GSAP: variants seen among roughly 807,000 people sequenced by gnomAD.
GSAP encodes the protein gamma-secretase activating protein.
Under a neutral mutation model 131.7 loss-of-function variants are expected in GSAP, and 118 were observed. That is an observed-to-expected ratio of 0.90 (90% CI 0.77 to 1.04). The LOEUF (loss-of-function observed/expected upper bound fraction) is 1.04, where lower values mean the gene tolerates loss of function less well. GSAP is among the 50% of genes least tolerant of loss of function. The pLI is 0.00. For synonymous variants in GSAP, 381 were observed against 363.4 expected, an observed-to-expected ratio of 1.05 and a Z score of -0.55; for missense variants, 1,019 against 1,013.2, an observed-to-expected ratio of 1.01 and a Z score of -0.08.
chr7:77,380,349 T>C (rs1797610947), intron 8 of GSAP, among the ~76,000 whole-genome samples: 1 of 152,146 alleles, frequency 6.6e-6, no homozygotes, highest in Non-Finnish European at 1.5e-5. Context: ...TCTGGAAAAA[T>C]CTGTTGGAAT....
intron 22 of GSAP, chr7:77,328,096 G>T: frequency 2.0e-6 from 1 of 497,872 alleles, no homozygotes; most frequent in Non-Finnish European, 2.6e-6. Context: ...AAGAGGCCAT[G>T]CTGGAATATA....
At chr7:77,371,437 T>C (rs12704922) in intron 12 of GSAP, among the ~76,000 whole-genome samples, 649 of 44,772 alleles carry the variant, frequency 0.014, 3 homozygotes, top group Middle Eastern at 0.056. Flanking sequence ...TTTTCTTTTT[T>C]TTTTTTTTTT....
chr7:77,330,434 A>T, intron 19 of GSAP, 67 bp from the exon 20 acceptor site: 1 of 1,567,972 alleles, frequency 6.4e-7, no homozygotes, highest in Non-Finnish European at 8.6e-7. Flanking sequence ...CCCAGTGAGT[A>T]TTACACAAGC....
At chr7:77,408,094 T>C (rs560004785) in intron 1 of GSAP, among the ~76,000 whole-genome samples, 1 of 152,338 alleles carries the variant, frequency 6.6e-6, no homozygotes, top group East Asian at 1.9e-4. Context: ...GAAGGACTTC[T>C]GAGGTTCCAT....
intron 14 of GSAP, among the ~76,000 whole-genome samples, chr7:77,356,551 T>G (rs996591413): frequency 4.6e-5 from 7 of 152,206 alleles, no homozygotes; most frequent in Non-Finnish European, 1.0e-4. Context: ...ATTGACACTT[T>G]GTGAAGTACT....
Position 77,330,372 on chromosome 7 carries a change from A to C in GSAP, c.1546-5T>G, listed in dbSNP as rs1788917101. 1 of 1,612,568 alleles carries C rather than the reference A, an allele frequency of 6.2e-7. No homozygotes were observed. ...GTAGCCCTTAAAGCTGAGCACCTGT[A>C]GGAGACAAAAACATCAGTGGCCTTC... On this transcript the variant is annotated splice_region_variant and splice_polypyrimidine_tract_variant and intron_variant, in intron 19 of 30. Coordinates refer to ENST00000257626, the MANE Select transcript of GSAP (RefSeq NM_017439.4).
In GSAP at chr7:77,387,065, T is replaced by C. The variant is rs555133154; in HGVS notation, c.456+295A>G. 3.3e-5 allele frequency among the ~76,000 whole-genome samples: 5 copies of C among 152,354 alleles called. No homozygotes were observed. The South Asian group carries it at 1.0e-3, about 32-fold the overall frequency. On this transcript the variant is annotated intron_variant, in intron 6 of 30. Coordinates refer to ENST00000257626, the MANE Select transcript of GSAP (RefSeq NM_017439.4). ...CCATAGATACTTAATCTGTCAACCA[T>C]GCAAATACATTATATTGACCATTTT...
At chr7:77,398,593 C>T (rs998156191) in intron 3 of GSAP, among the ~76,000 whole-genome samples, 1 of 152,106 alleles carries the variant, frequency 6.6e-6, no homozygotes. Flanking sequence ...ACGACAAAAT[C>T]CTATCTCTAC....
Position 77,353,737 on chromosome 7 carries a change from A to G in GSAP, c.1339-96T>C, listed in dbSNP as rs550652755. On this transcript the variant is annotated intron_variant, in intron 16 of 30. Coordinates refer to ENST00000257626, the MANE Select transcript of GSAP (RefSeq NM_017439.4). ...AATATACATGAATCTTTTGCATTCTATACCTATTTTAGAATTGCCTAAGAA... is the reference window on the plus strand; with the variant it reads ...AATATACATGAATCTTTTGCATTCTGTACCTATTTTAGAATTGCCTAAGAA... The G allele has an allele frequency of 9.8e-6, 7 of 717,746 alleles. No homozygotes were observed. In the African/African-American group the frequency reaches 1.2e-4, roughly 13 times the overall value. The allele number at this position is 717,746 out of a possible 1,614,324, so 44.5% of individuals were successfully genotyped here.
chr7:77,405,155 T>C (rs1016568805), intron 2 of GSAP, among the ~76,000 whole-genome samples: 3 of 152,220 alleles, frequency 2.0e-5, no homozygotes, highest in Non-Finnish European at 4.4e-5. Flanking sequence ...TTAAATAACA[T>C]GCTTCACATG....
Position 77,374,138 on chromosome 7 carries a change from C to T in GSAP, c.803G>A (p.Cys268Tyr), listed in dbSNP as rs750473487. The T allele has an allele frequency of 6.3e-6, 10 of 1,575,584 alleles. No homozygotes were observed. Among genetic ancestry groups the T allele is most frequent in the Non-Finnish European group, 8.7e-6 (10 of 1,150,554 alleles). ...NSGFKLVNFG[C>Y]DYHQYRDKFS... ...TTTATCTCGGTATTGATGATAATCA[C>T]ATCCAAAGTTGACAAGTCTAAGAAC... Residue 268 changes from cysteine (C) to tyrosine (Y), a missense_variant, in exon 12 of 31, where the codon TGT becomes TAT. Transcript: ENST00000257626.
chr7:77,318,918 G>A (rs1027880214), intron 26 of GSAP, among the ~76,000 whole-genome samples: 1 of 126,686 alleles, frequency 7.9e-6, no homozygotes, highest in African/African-American at 2.9e-5. Flanking sequence ...GCCTGTTGTG[G>A]GGTGGGGGGA....
chr7:77,350,925 T>A (rs184778467), intron 18 of GSAP: 20 of 156,250 alleles, frequency 1.3e-4, no homozygotes, highest in Admixed American at 1.2e-3. Flanking sequence ...AGTGTATCTG[T>A]ATGTTAATTA....
rs766000163 is a variant in GSAP, at chr7:77,355,547, A to G, written c.1120+8T>C. ...GCCACCTCTACAAGAGAAAAACTAT[A>G]GCCGTACCTGTCAGAAAGAGATTGT... On this transcript the variant is annotated splice_region_variant and intron_variant, in intron 15 of 30. Transcript: ENST00000257626. The G allele has an allele frequency of 6.3e-7, 1 of 1,596,256 alleles. No homozygotes were observed. Among genetic ancestry groups the G allele is most frequent in the East Asian group, 2.2e-5 (1 of 44,800 alleles).
intron 14 of GSAP, among the ~76,000 whole-genome samples, chr7:77,357,293 G>A (rs986631416): frequency 6.6e-6 from 1 of 152,162 alleles, no homozygotes; most frequent in African/African-American, 2.4e-5. Context: ...GCTGAATGAT[G>A]GCTCCTGAAG....
chr7:77,343,753 C>T (rs950369775), intron 19 of GSAP, among the ~76,000 whole-genome samples: 4 of 152,130 alleles, frequency 2.6e-5, no homozygotes, highest in African/African-American at 9.7e-5. Context: ...GTTCTTAGAC[C>T]AAGGAAAATT....
chr7:77,395,356 G>A (rs774572181), intron 5 of GSAP, among the ~76,000 whole-genome samples: 4 of 152,052 alleles, frequency 2.6e-5, no homozygotes, highest in Non-Finnish European at 4.4e-5. Context: ...TGGAGAAATG[G>A]GTCTATTAGC....
intron 20 of GSAP, 29 bp downstream of exon 20, chr7:77,330,210 T>A (rs1788894250): frequency 6.3e-7 from 1 of 1,594,452 alleles, no homozygotes; most frequent in Non-Finnish European, 8.6e-7. Flanking sequence ...GCCTCGCTGC[T>A]GGCTTTGTTC....
At chr7:77,378,171 A>G (rs1005669808) in intron 8 of GSAP, among the ~76,000 whole-genome samples, 3 of 152,190 alleles carry the variant, frequency 2.0e-5, no homozygotes, top group African/African-American at 7.2e-5. Flanking sequence ...ACAGTGCTCA[A>G]GGAATGTTTG....
Sources: allele counts gnomAD v4.1 joint callset (sites outside exome capture counted in the v4.1 genomes callset), GRCh38; gene constraint gnomAD v4.1.1; transcripts MANE v1.5; gene names NCBI Gene and HGNC (gene_info 2026-07-23, HGNC 2026-07-21).